The following DUSP6 variants were observed in gnomAD, a reference collection of about 807,000 sequenced individuals.
DUSP6 encodes dual specificity phosphatase 6, also known as dual specificity protein phosphatase 6.
A neutral mutation model predicts 28.0 loss-of-function variants in DUSP6; 6 were observed. The observed-to-expected ratio is 0.21, with a 90% CI of 0.12 to 0.42. The LOEUF (loss-of-function observed/expected upper bound fraction) is 0.42, where lower values mean the gene tolerates loss of function less well. DUSP6 is among the 10% of genes least tolerant of loss of function. The probability of loss-of-function intolerance (pLI) is 1.00; values close to 1 mark genes in which losing one functional copy is unlikely to be tolerated. For missense variants in DUSP6, 451 were observed against 498.1 expected (o/e 0.91, Z 0.90); for synonymous variants, 252 against 217.5 (o/e 1.16, Z -1.40).
chr12:89,349,328 G>A lies in DUSP6; in HGVS notation c.1072C>T (p.Pro358Ser). Reference protein sequence around the residue: ...GLSSPCDNRVPAQQLYFTTPS... With the variant: ...GLSSPCDNRVSAQQLYFTTPS... ...GTGGTAAAATACAGCTGCTGTGCTGGAACCCTGTTGTCACATGGGCTGCTG... is the reference window on the plus strand; with the variant it reads ...GTGGTAAAATACAGCTGCTGTGCTGAAACCCTGTTGTCACATGGGCTGCTG... Residue 358 changes from proline (P) to serine (S), a missense_variant, in exon 3 of 3, where the codon CCA becomes TCA. Physicochemically the swap from Pro to Ser is moderately conservative, Grantham distance 74 (BLOSUM62 -1). Transcript: ENST00000279488. 4 of 1,614,168 alleles carry A rather than the reference G, an allele frequency of 2.5e-6. No homozygotes were observed. The highest frequency in any genetic ancestry group is 3.4e-6 in the Non-Finnish European group (4 of 1,180,018).
chr12:89,351,548 G>T (rs1879188320), intron 1 of DUSP6, 92 bp downstream of exon 1: 2 of 1,440,558 alleles, frequency 1.4e-6, no homozygotes, highest in South Asian at 1.5e-5. Context: ...AGCTCCAGCT[G>T]AGCGGAGCAG....
Position 89,348,484 on chromosome 12 carries a change from G to A in DUSP6, c.*770C>T, listed in dbSNP as rs1879058633. Reference sequence around the variant, plus strand: ...CTACATAAAGAGAAAAAATCATGAGGAAAATACATGAAAAAGACTAAAGAC... The same window carrying A: ...CTACATAAAGAGAAAAAATCATGAGAAAAATACATGAAAAAGACTAAAGAC... On this transcript the variant is annotated 3_prime_UTR_variant, in exon 3 of 3. Transcript: ENST00000279488. 1 of 152,326 alleles carries A rather than the reference G, an allele frequency of 6.6e-6. No homozygotes were observed. The highest frequency in any genetic ancestry group is 1.5e-5 in the Non-Finnish European group (1 of 68,022). The allele number at this position is 152,326 out of a possible 1,614,324, so 9.4% of individuals were successfully genotyped here.
rs1414572390 is a variant in DUSP6 at position 89,349,302 on chromosome 12, G to C, written c.1098C>G (p.Thr366=). The C allele has an allele frequency of 1.2e-6, 2 of 1,613,952 alleles. No individual in the cohort carries two copies. Among genetic ancestry groups the C allele is most frequent in the African/African-American group, 1.3e-5 (1 of 74,896 alleles). The change falls in exon 3 of 3, where the codon ACC becomes ACG. Residue 366 remains threonine, a synonymous_variant. Coordinates refer to ENST00000279488, the MANE Select transcript of DUSP6 (RefSeq NM_001946.4). The part of the protein sequence containing the change: ...RVPAQQLYFT[T]PSNQNVYQVD... Reference sequence around the variant, plus strand: ...CCTGGTATACATTCTGGTTGGAAGGGGTGGTAAAATACAGCTGCTGTGCTG... The same window carrying C: ...CCTGGTATACATTCTGGTTGGAAGGCGTGGTAAAATACAGCTGCTGTGCTG...
chr12:89,350,886 G>C lies in DUSP6; in HGVS notation c.540C>G (p.Ile180Met). The C allele has an allele frequency of 3.7e-6, 6 of 1,613,952 alleles. No individual in the cohort carries two copies. The highest frequency in any genetic ancestry group is 5.1e-6 in the Non-Finnish European group (6 of 1,179,954). Residue 180 changes from isoleucine to methionine, a missense_variant, in exon 2 of 3, where the codon ATC (isoleucine) becomes ATG (methionine). Around this residue, in one of 2 missense-constraint regions of DUSP6, gnomAD observed 347 missense variants for 346.6 expected, o/e 1.00. Coordinates refer to ENST00000279488, the MANE Select transcript of DUSP6 (RefSeq NM_001946.4). ...TGGGGTCTCGGTCAAGGTCAGACTC[G>C]ATGTCCGAGGAAGAGTCAGAGCTGA... is the stretch of plus-strand genomic sequence containing the variant. ...LRISSDSSSDIESDLDRDPNS... is the reference protein window; with the variant it reads ...LRISSDSSSDMESDLDRDPNS...
Position 89,350,852 on chromosome 12 carries a change from T to C in DUSP6, c.574A>G (p.Thr192Ala). 1 of 1,614,050 alleles carries C rather than the reference T, an allele frequency of 6.2e-7. No individual in the cohort carries two copies. The highest frequency in any genetic ancestry group is 8.5e-7 in the Non-Finnish European group (1 of 1,179,990). ...GACAGCGGACTACCATCCGAGTCTGTTGCACTATTGGGGTCTCGGTCAAGG... is the reference window on the plus strand; with the variant it reads ...GACAGCGGACTACCATCCGAGTCTGCTGCACTATTGGGGTCTCGGTCAAGG... ...SDLDRDPNSATDSDGSPLSNS... is the reference protein window; with the variant it reads ...SDLDRDPNSAADSDGSPLSNS... The change falls in exon 2 of 3, where the codon ACA becomes GCA. Residue 192 changes from threonine to alanine, a missense_variant. Physicochemically the swap from Thr to Ala is moderately conservative, Grantham distance 58. This residue lies in a region of DUSP6 where 347 missense variants were observed against 346.6 expected (regional missense o/e 1.00). Transcript: ENST00000279488.
At position 89,349,037 on chromosome 12, in the gene DUSP6, C is replaced by G; in HGVS notation, c.*217G>C. 1 of 569,024 alleles carries G rather than the reference C, an allele frequency of 1.8e-6. No individual in the cohort carries two copies. The highest frequency in any genetic ancestry group is 3.1e-6 in the Non-Finnish European group (1 of 322,512). 35.2% of individuals were successfully genotyped at this position (569,024 alleles called of 1,614,324 possible). ...CATGGGTACAGAGCAAACCTACTGC[C>G]TGTATCTATACAGCATGTCCTGTTA... On this transcript the variant is annotated 3_prime_UTR_variant, in exon 3 of 3. Coordinates refer to ENST00000279488, the MANE Select transcript of DUSP6 (RefSeq NM_001946.4).
In DUSP6 at chr12:89,352,096, A is replaced by G. The variant is rs1879222666; in HGVS notation, c.-57T>C. ...CTACCAGACGCCCCTCGGGGCAGGC[A>G]TAGGCCGAGCGCACCGCGCGCGAAG... is the stretch of plus-strand genomic sequence containing the variant. On this transcript the variant is annotated 5_prime_UTR_variant, in exon 1 of 3. An upstream start codon of the reference 5' UTR is lost. Transcript: ENST00000279488. 3.9e-6 allele frequency: 6 copies of G among 1,555,470 alleles called. No individual in the cohort carries two copies. The highest frequency in any genetic ancestry group is 5.2e-6 in the Non-Finnish European group (6 of 1,149,354).
In DUSP6 at chr12:89,350,662, T is replaced by C; in HGVS notation, c.764A>G (p.Tyr255Cys). ...NLFENAGEFK[Y>C]KQIPISDHWS... is the part of the protein sequence containing the mutation. ...GTGATCCGAGATGGGGATTTGCTTG[T>C]ATTTAAACTCTCCTGCGTTCTCAAA... Residue 255 changes from tyrosine to cysteine, a missense_variant, in exon 2 of 3, where the codon TAC (tyrosine) becomes TGC (cysteine). Tyr to Cys is a radical substitution (Grantham distance 194). This residue lies in a region of DUSP6 where 347 missense variants were observed against 346.6 expected (regional missense o/e 1.00). Coordinates refer to ENST00000279488, the MANE Select transcript of DUSP6 (RefSeq NM_001946.4). The C allele has an allele frequency of 6.2e-7, 1 of 1,614,180 alleles. No homozygotes were observed. Among genetic ancestry groups the C allele is most frequent in the Non-Finnish European group, 8.5e-7 (1 of 1,180,026 alleles).
Position 89,351,777 on chromosome 12 carries a change from C to G in DUSP6, c.263G>C (p.Arg88Pro), listed in dbSNP as rs1386743787. 1 of 1,609,416 alleles carries G rather than the reference C, an allele frequency of 6.2e-7. No individual in the cohort carries two copies. Among genetic ancestry groups the G allele is most frequent in the Non-Finnish European group, 8.5e-7 (1 of 1,178,726 alleles). The change falls in exon 1 of 3, where the codon CGG (arginine) becomes CCG (proline). Residue 88 changes from arginine to proline, a missense_variant. By Grantham distance (103) the Arg-to-Pro change is moderately radical. Transcript: ENST00000279488. Reference protein sequence around the residue: ...TRGEDRDRFTRRCGTDTVVLY... With the variant: ...TRGEDRDRFTPRCGTDTVVLY... Reference sequence around the variant, plus strand: ...CACCACTGTGTCGGTGCCACAGCGCCGGGTGAAGCGGTCCCGGTCCTCGCC... The same window carrying G: ...CACCACTGTGTCGGTGCCACAGCGCGGGGTGAAGCGGTCCCGGTCCTCGCC...
chr12:89,351,371 A>G (rs1879181242), intron 1 of DUSP6: 6 of 591,854 alleles, frequency 1.0e-5, no homozygotes, highest in Admixed American at 3.3e-5. Context: ...GTGATGGTGG[A>G]GGATGTTCTG....
rs761856140 is a variant in DUSP6 at position 89,349,301 on chromosome 12, G to C, written c.1099C>G (p.Pro367Ala). 2.5e-6 allele frequency: 4 copies of C among 1,614,100 alleles called. No individual in the cohort carries two copies. In the South Asian group the frequency reaches 4.4e-5, roughly 18 times the overall value. Residue 367 changes from proline (P) to alanine (A), a missense_variant, in exon 3 of 3, where the codon CCT (proline) becomes GCT (alanine). This residue lies in a region of DUSP6 where 104 missense variants were observed against 151.4 expected (regional missense o/e 0.69). Transcript: ENST00000279488. ...VPAQQLYFTT[P>A]SNQNVYQVDS... ...ACCTGGTATACATTCTGGTTGGAAG[G>C]GGTGGTAAAATACAGCTGCTGTGCT...
In DUSP6 at chr12:89,350,770, G is replaced by C; in HGVS notation, c.656C>G (p.Ala219Gly). The C allele has an allele frequency of 6.2e-7, 1 of 1,613,946 alleles. No homozygotes were observed. The highest frequency in any genetic ancestry group is 8.5e-7 in the Non-Finnish European group (1 of 1,179,982). Residue 219 changes from alanine (A) to glycine (G), a missense_variant, in exon 2 of 3, where the codon GCC becomes GGC. Transcript: ENST00000279488. ...CACGTCCAAGTTGGTGGAGTCTTTG[G>C]CACAGCCCAAGTAGAGGAAGGGCAA... is the stretch of plus-strand genomic sequence containing the variant. ...EILPFLYLGCAKDSTNLDVLE... is the reference protein window; with the variant it reads ...EILPFLYLGCGKDSTNLDVLE...
chr12:89,349,175 G>A lies in DUSP6; in HGVS notation c.*79C>T. On this transcript the variant is annotated 3_prime_UTR_variant, in exon 3 of 3. Coordinates refer to ENST00000279488, the MANE Select transcript of DUSP6 (RefSeq NM_001946.4). ...TTTGACACCTGGGGCCACACACAAA[G>A]AAAGCAGCCCAGCTGATGCTGCCAA... 1 of 1,478,608 alleles carries A rather than the reference G, an allele frequency of 6.8e-7. No individual in the cohort carries two copies. The highest frequency in any genetic ancestry group is 9.1e-7 in the Non-Finnish European group (1 of 1,097,300). The allele number at this position is 1,478,608 out of a possible 1,614,324, so 91.6% of individuals were successfully genotyped here. A position where few individuals can be genotyped will look rare whatever the true frequency, so the allele number is the denominator to read the frequency against.
At chr12:89,351,138 A>C in intron 1 of DUSP6, 113 bp from the exon 2 acceptor site, 1 of 1,111,998 alleles carries the variant, frequency 9.0e-7, no homozygotes, top group South Asian at 1.6e-5. Flanking sequence ...CGAACCCCCT[A>C]CATACAGAAC....
intron 1 of DUSP6, 62 bp downstream of exon 1, chr12:89,351,578 G>A (rs779578737): frequency 1.2e-4 from 181 of 1,490,170 alleles, no homozygotes; most frequent in Non-Finnish European, 1.5e-4. Flanking sequence ...CAATCCACGC[G>A]CCCCGCCCGC....
In DUSP6 at chr12:89,351,753, A is replaced by C; in HGVS notation, c.287T>G (p.Val96Gly). 6.2e-7 allele frequency: 1 copy of C among 1,608,084 alleles called. No homozygotes were observed. The highest frequency in any genetic ancestry group is 1.1e-5 in the South Asian group (1 of 90,278). ...FTRRCGTDTV[V>G]LYDESSSDWN... ...GTCGCTGCTGCTCTCGTCGTAGAGC[A>C]CCACTGTGTCGGTGCCACAGCGCCG... Residue 96 changes from valine to glycine, a missense_variant, in exon 1 of 3, where the codon GTG becomes GGG. By Grantham distance (109) the Val-to-Gly change is moderately radical. This residue lies in a region of DUSP6 where 347 missense variants were observed against 346.6 expected (regional missense o/e 1.00). Transcript: ENST00000279488.
intron 1 of DUSP6, 74 bp downstream of exon 1, chr12:89,351,566 T>C: frequency 6.8e-7 from 1 of 1,474,084 alleles, no homozygotes; most frequent in Non-Finnish European, 9.0e-7. Context: ...CAGAGGTATT[T>C]TCAATCCACG....
Position 89,352,132 on chromosome 12 carries a change from C to T in DUSP6, c.-93G>A, listed in dbSNP as rs985661437. On this transcript the variant is annotated 5_prime_UTR_variant, in exon 1 of 3. Coordinates refer to ENST00000279488, the MANE Select transcript of DUSP6 (RefSeq NM_001946.4). Reference sequence around the variant, plus strand: ...GCACCGCGCGCGAAGCTGCCGCTCTCGGAGCGGGGTTTAATTCCGCCTCGC... The same window carrying T: ...GCACCGCGCGCGAAGCTGCCGCTCTTGGAGCGGGGTTTAATTCCGCCTCGC... 4 of 1,519,524 alleles carry T rather than the reference C, an allele frequency of 2.6e-6. No homozygotes were observed. The highest frequency in any genetic ancestry group is 3.5e-6 in the Non-Finnish European group (4 of 1,131,234). 94.1% of individuals were successfully genotyped at this position (1,519,524 alleles called of 1,614,324 possible). A position where few individuals can be genotyped will look rare whatever the true frequency, so the allele number is the denominator to read the frequency against.
At chr12:89,351,065 C>T (rs373393109) in intron 1 of DUSP6, 40 bp from the exon 2 acceptor site, 6 of 1,531,698 alleles carry the variant, frequency 3.9e-6, no homozygotes, top group East Asian at 2.4e-5. Flanking sequence ...CCTGAGAAGC[C>T]GTAGTAGTTT....
Sources: gnomAD v4.1 joint callset for allele counts on GRCh38, gnomAD v4.1.1 for gene constraint, gnomAD v4.1.1 regional missense constraint, MANE v1.5 for transcripts, NCBI Gene and HGNC (gene_info 2026-07-23, HGNC 2026-07-21) for gene names.